The following NOD1 variants were observed in gnomAD, a reference collection of about 807,000 sequenced individuals.
The protein encoded by NOD1 is nucleotide binding oligomerization domain containing 1, also known as nucleotide-binding oligomerization domain-containing protein 1.
A neutral mutation model predicts 81.2 loss-of-function variants in NOD1; 70 were observed. That is an observed-to-expected ratio of 0.86 (90% CI 0.71 to 1.05). NOD1 has a LOEUF of 1.05. Among genes scored for constraint, NOD1 ranks in the 50% least tolerant of loss-of-function variants. The pLI is 0.00. For synonymous variants in NOD1, 508 were observed against 526.9 expected (o/e 0.96, Z 0.49); for missense variants, 1,233 against 1,228.0 (o/e 1.00, Z -0.06).
At chr7:30,475,617 T>A (rs560519223) in intron 1 of NOD1, among the ~76,000 whole-genome samples, 1 of 152,132 alleles carries the variant, frequency 6.6e-6, no homozygotes, top group Non-Finnish European at 1.5e-5. Flanking sequence ...AGTGGCATCA[T>A]CCCCGGTTGG....
At chr7:30,465,813 C>T (rs936417840) in intron 1 of NOD1, among the ~76,000 whole-genome samples, 1 of 152,222 alleles carries the variant, frequency 6.6e-6, no homozygotes, top group Non-Finnish European at 1.5e-5. Context: ...TACAACCCAG[C>T]GTTTTTCAAC....
intron 5 of NOD1, among the ~76,000 whole-genome samples, chr7:30,453,557 C>G (rs1786024888): frequency 6.6e-6 from 1 of 152,158 alleles, no homozygotes; most frequent in Non-Finnish European, 1.5e-5. Flanking sequence ...GTAGCTGGGA[C>G]ACAGGCATAT....
chr7:30,474,315 G>T (rs1214636189), intron 1 of NOD1, among the ~76,000 whole-genome samples: 3 of 152,218 alleles, frequency 2.0e-5, no homozygotes, highest in Non-Finnish European at 4.4e-5. Flanking sequence ...AAACTGCCCA[G>T]CAAGGAAAGC....
At chr7:30,426,859 T>C (rs1783503854) in intron 13 of NOD1, among the ~76,000 whole-genome samples, 1 of 152,168 alleles carries the variant, frequency 6.6e-6, no homozygotes, top group Non-Finnish European at 1.5e-5. Context: ...CTCAGCTGAC[T>C]AGCTCCTATT....
At chr7:30,427,040 A>G (rs1562647724) in intron 13 of NOD1, among the ~76,000 whole-genome samples, 1 of 152,178 alleles carries the variant, frequency 6.6e-6, no homozygotes, top group Admixed American at 6.5e-5. Flanking sequence ...CTTTCTAGAC[A>G]GTGAACCCAT....
intron 3 of NOD1, 35 bp from the exon 4 acceptor site, chr7:30,457,077 A>G: frequency 1.6e-6 from 1 of 636,820 alleles, no homozygotes; most frequent in East Asian, 2.7e-5. Flanking sequence ...GCAAAGCAAA[A>G]GCTACAGAAA....
rs756013665 is a variant in NOD1 at position 30,452,705 on chromosome 7, T to C, written c.712A>G (p.Met238Val). Residue 238 changes from methionine to valine, a missense_variant, in exon 6 of 14, where the codon ATG becomes GTG. By Grantham distance (21) the Met-to-Val change is conservative. Coordinates refer to ENST00000222823, the MANE Select transcript of NOD1 (RefSeq NM_006092.4). ...TCACTTTCCTTGAAGCAGCTGAACA[T>C]GCGGCAGCGAAAGTGGAAGAAGAAT... ...VKFFFHFRCRMFSCFKESDRL... is the reference protein window; with the variant it reads ...VKFFFHFRCRVFSCFKESDRL... The C allele has an allele frequency of 2.5e-5, 41 of 1,613,810 alleles. No individual in the cohort carries two copies. Among genetic ancestry groups the C allele is most frequent in the Admixed American group, 2.2e-4 (13 of 60,014 alleles).
At chr7:30,449,792 G>A (rs1785493641) in intron 6 of NOD1, among the ~76,000 whole-genome samples, 1 of 152,226 alleles carries the variant, frequency 6.6e-6, no homozygotes, top group African/African-American at 2.4e-5. Flanking sequence ...CATATCCTCT[G>A]CTTTCCTACA....
At chr7:30,469,600 ATGCCTG>A (rs1788060222) in intron 1 of NOD1, among the ~76,000 whole-genome samples, 1 of 152,220 alleles carries the variant, frequency 6.6e-6, no homozygotes, top group Non-Finnish European at 1.5e-5. Context: ...GGGAAGTCCA[ATGCCTG>A]CCCCCACATC....
chr7:30,463,671 G>T (rs1246867884), intron 1 of NOD1: 2 of 152,118 alleles, frequency 1.3e-5, no homozygotes, highest in Admixed American at 1.3e-4. Flanking sequence ...ACCTTGAGCG[G>T]AGATGTGCAT....
intron 9 of NOD1, 62 bp from the exon 10 acceptor site, chr7:30,437,718 CT>C: frequency 1.6e-6 from 2 of 1,253,204 alleles, no homozygotes; most frequent in Non-Finnish European, 1.1e-6. Context: ...CTCACCCCTC[CT>C]TTTTTGCCAA....
At chr7:30,476,111 C>T (rs186338277) in intron 1 of NOD1, 86 of 152,160 alleles carry the variant, frequency 5.7e-4, no homozygotes, top group African/African-American at 2.0e-3. Flanking sequence ...TAAAAAAAAT[C>T]CCCCCAATAA....
At position 30,451,637 on chromosome 7, in the gene NOD1, C is replaced by G; in HGVS notation, c.1780G>C (p.Gly594Arg). 6.2e-7 allele frequency: 1 copy of G among 1,613,946 alleles called. No homozygotes were observed. The highest frequency in any genetic ancestry group is 8.5e-7 in the Non-Finnish European group (1 of 1,180,038). The change falls in exon 6 of 14, where the codon GGG becomes CGG. Residue 594 changes from glycine to arginine, a missense_variant. By Grantham distance (125) the Gly-to-Arg change is moderately radical (BLOSUM62 -2). Transcript: ENST00000222823. This position sits in a 1 kb window ranked among gnomAD's most constrained non-coding sequence, Gnocchi z 4.2. ...TTCTGTTTGGCTTTGGACAACAGCC[C>G]GCACAGGAAGAGGTTGGTGAACTGG... ...HFQFTNLFLCGLLSKAKQKLL... is the reference protein window; with the variant it reads ...HFQFTNLFLCRLLSKAKQKLL...
intron 3 of NOD1, among the ~76,000 whole-genome samples, chr7:30,457,978 G>A (rs990106696): frequency 3.3e-5 from 5 of 152,180 alleles, no homozygotes; most frequent in African/African-American, 1.2e-4. Context: ...GTGGGACAGA[G>A]GGAGGGCAGA....
chr7:30,445,456 C>T (rs1323879071), intron 9 of NOD1, among the ~76,000 whole-genome samples: 3 of 151,922 alleles, frequency 2.0e-5, no homozygotes. Context: ...ATTACTCAGC[C>T]TTAAAAAAGA....
Position 30,456,868 on chromosome 7 carries a change from G to A in NOD1, c.54C>T (p.Pro18=), listed in dbSNP as rs778584035. The change falls in exon 4 of 14, where the codon CCC becomes CCT. Residue 18 remains proline, a synonymous_variant. Transcript: ENST00000222823. Reference sequence around the variant, plus strand: ...GATTGCTTTTCAGTAATTGAATGTGGGGGTGAGACTCTGATGGGATTATTT... The same window carrying A: ...GATTGCTTTTCAGTAATTGAATGTGAGGGTGAGACTCTGATGGGATTATTT... ...EMEIIPSESH[P]HIQLLKSNRE... The A allele has an allele frequency of 3.7e-6, 6 of 1,614,154 alleles. No individual in the cohort carries two copies. In the South Asian group the frequency reaches 5.5e-5, roughly 15 times the overall value.
intron 1 of NOD1, among the ~76,000 whole-genome samples, chr7:30,470,940 T>C (rs903888587): frequency 6.6e-6 from 1 of 152,146 alleles, no homozygotes; most frequent in African/African-American, 2.4e-5. Flanking sequence ...GGAGGACATC[T>C]GGATATGGCA....
rs1283142923 is a variant in NOD1 at position 30,451,661 on chromosome 7, G to A, written c.1756C>T (p.Gln586Ter). The change falls in exon 6 of 14, where the codon CAG becomes TAG. Residue 586 changes from glutamine (Q) to a stop codon, truncating the protein, a stop_gained. Transcript: ENST00000222823. LOFTEE classifies it high-confidence loss of function. This position sits in a 1 kb window ranked among gnomAD's most constrained non-coding sequence, Gnocchi z 4.2. ...EDLFKNKDHFQFTNLFLCGLL... is the reference protein window; with the variant it reads ...EDLFKNKDHF The stretch of plus-strand genomic sequence containing the variant: ...CCGCACAGGAAGAGGTTGGTGAACT[G>A]GAAGTGATCCTTGTTCTTGAAGAGG... 1 of 1,613,950 alleles carries A rather than the reference G, an allele frequency of 6.2e-7. No homozygotes were observed. The highest frequency in any genetic ancestry group is 8.5e-7 in the Non-Finnish European group (1 of 1,180,046).
At position 30,453,014 on chromosome 7, in the gene NOD1, G is replaced by T; in HGVS notation, c.403C>A (p.His135Asn). ...AACTTGGAGTCACGGCCCAGATGGTGTCGCAGCTGCTGGGTATACCTGCTC... is the reference window on the plus strand; with the variant it reads ...AACTTGGAGTCACGGCCCAGATGGTTTCGCAGCTGCTGGGTATACCTGCTC... Reference protein sequence around the residue: ...PVSRYTQQLRHHLGRDSKFVL... With the variant: ...PVSRYTQQLRNHLGRDSKFVL... Residue 135 changes from histidine (H) to asparagine (N), a missense_variant, in exon 6 of 14, where the codon CAC (histidine) becomes AAC (asparagine). By Grantham distance (68) the His-to-Asn change is moderately conservative. Coordinates refer to ENST00000222823, the MANE Select transcript of NOD1 (RefSeq NM_006092.4). 1 of 1,611,986 alleles carries T rather than the reference G, an allele frequency of 6.2e-7. No homozygotes were observed. The highest frequency in any genetic ancestry group is 1.7e-5 in the Admixed American group (1 of 59,980).
Sources: gnomAD v4.1 joint callset for allele counts (sites outside exome capture counted in the v4.1 genomes callset) on GRCh38, gnomAD v4.1.1 for gene constraint, Gnocchi (gnomAD v3.1) non-coding constraint, MANE v1.5 for transcripts, NCBI Gene and HGNC (gene_info 2026-07-23, HGNC 2026-07-21) for gene names.